Variants in PLEKHA5 observed in about 807,000 individuals in gnomAD.
PLEKHA5 encodes pleckstrin homology domain-containing family A member 5.
A neutral mutation model predicts 181.9 loss-of-function variants in PLEKHA5; 55 were observed. The observed-to-expected ratio is 0.30, with a 90% CI of 0.24 to 0.38. PLEKHA5 has a LOEUF of 0.38. PLEKHA5 is among the 10% of genes least tolerant of loss of function. The probability of loss-of-function intolerance (pLI) is 1.00; values close to 1 mark genes in which losing one functional copy is unlikely to be tolerated. For synonymous variants in PLEKHA5, 535 were observed against 529.4 expected (o/e 1.01, Z -0.15); for missense variants, 1,432 against 1,549.5 (o/e 0.92, Z 1.27).
chr12:19,269,947 G>A, intron 9 of PLEKHA5, 62 bp downstream of exon 9: 1 of 871,848 alleles, frequency 1.1e-6, no homozygotes, highest in South Asian at 1.4e-5. Flanking sequence ...TGCCTTGCAA[G>A]TATTTCACTG....
chr12:19,131,331 A>G (rs1438085177), intron 2 of PLEKHA5, among the ~76,000 whole-genome samples: 1 of 152,194 alleles, frequency 6.6e-6, no homozygotes, highest in Admixed American at 6.5e-5. Context: ...CCAAATTTGC[A>G]AAAAGGTGGA....
chr12:19,309,040 C>T (rs1018362467), intron 15 of PLEKHA5, among the ~76,000 whole-genome samples: 4 of 150,998 alleles, frequency 2.6e-5, no homozygotes, highest in African/African-American at 7.3e-5. Context: ...CTAGCCTAGG[C>T]GACAGAGCAA....
chr12:19,341,659 T>A (rs1038975788), intron 21 of PLEKHA5, among the ~76,000 whole-genome samples: 1 of 152,148 alleles, frequency 6.6e-6, no homozygotes, highest in East Asian at 1.9e-4. Flanking sequence ...TATAGACTTT[T>A]CTTGAGTTTT....
chr12:19,132,915 G>A (rs1193087273), intron 3 of PLEKHA5, among the ~76,000 whole-genome samples: 41 of 111,238 alleles, frequency 3.7e-4, no homozygotes, highest in Non-Finnish European at 6.7e-4. Flanking sequence ...TCTGAGTTAC[G>A]TGAACATCTT....
chr12:19,167,003 C>G (rs541826453), intron 3 of PLEKHA5, among the ~76,000 whole-genome samples: 2 of 152,300 alleles, frequency 1.3e-5, no homozygotes, highest in South Asian at 4.1e-4. Flanking sequence ...CAGATGATAA[C>G]TACTCCCTGT....
chr12:19,310,208 T>C (rs932016864), intron 15 of PLEKHA5, among the ~76,000 whole-genome samples: 1 of 152,238 alleles, frequency 6.6e-6, no homozygotes, highest in African/African-American at 2.4e-5. Context: ...GTCTTTCCTC[T>C]GATTCCTTAC....
chr12:19,304,179 T>C (rs1389256358), intron 15 of PLEKHA5, among the ~76,000 whole-genome samples: 1 of 152,054 alleles, frequency 6.6e-6, no homozygotes, highest in African/African-American at 2.4e-5. Flanking sequence ...CCCAACACTT[T>C]GGGAATCCTG....
chr12:19,358,060 C>T (rs2095047328), intron 26 of PLEKHA5, among the ~76,000 whole-genome samples, 168 bp from the exon 27 acceptor site: 1 of 152,120 alleles, frequency 6.6e-6, no homozygotes, highest in Admixed American at 6.6e-5. Flanking sequence ...AGTTAAGGAT[C>T]AAATAGCAAT....
At chr12:19,312,608 A>G (rs1479369923) in intron 15 of PLEKHA5, among the ~76,000 whole-genome samples, 2 of 152,040 alleles carry the variant, frequency 1.3e-5, no homozygotes, top group Admixed American at 1.3e-4. Flanking sequence ...ATCTCTCTCA[A>G]CCTTCATAGG....
chr12:19,193,761 G>T (rs1356665249), intron 3 of PLEKHA5, among the ~76,000 whole-genome samples: 3 of 152,132 alleles, frequency 2.0e-5, no homozygotes, highest in Admixed American at 1.3e-4. Context: ...AATTTATAAA[G>T]AAAAGAAATT....
intron 14 of PLEKHA5, 87 bp downstream of exon 14, chr12:19,290,883 T>C: frequency 8.2e-7 from 1 of 1,217,930 alleles, no homozygotes; most frequent in South Asian, 1.6e-5. Flanking sequence ...GCATCATTAG[T>C]GTTGAGCATG....
rs1338241159 is a variant in PLEKHA5 at position 19,134,967 on chromosome 12, G to A, written c.227+2517G>A. On this transcript the variant is annotated intron_variant, in intron 3 of 31. Transcript: ENST00000429027. ...AAGAAAGGTGGTTATTGATCAAATTGTATGTAAAGGAGGTTACAGGGTTAT... is the reference window on the plus strand; with the variant it reads ...AAGAAAGGTGGTTATTGATCAAATTATATGTAAAGGAGGTTACAGGGTTAT... 3.9e-5 allele frequency among the ~76,000 whole-genome samples: 6 copies of A among 152,094 alleles called. No individual in the cohort carries two copies. In the East Asian group the frequency reaches 9.6e-4, roughly 24 times the overall value.
chr12:19,273,448 T>G (rs989447094), intron 10 of PLEKHA5, among the ~76,000 whole-genome samples: 13 of 152,090 alleles, frequency 8.5e-5, no homozygotes. Context: ...TGTATATAGA[T>G]CTACATCCTT....
intron 3 of PLEKHA5, among the ~76,000 whole-genome samples, chr12:19,175,195 G>A (rs115046618): frequency 8.2e-4 from 125 of 152,264 alleles, no homozygotes; most frequent in African/African-American, 2.9e-3. Flanking sequence ...ACTACTGATC[G>A]AGTGTAAACT....
chr12:19,320,935 G>A (rs2090505378), intron 18 of PLEKHA5: 1 of 167,838 alleles, frequency 6.0e-6, no homozygotes, highest in African/African-American at 2.4e-5. Flanking sequence ...GGGAAGCCGA[G>A]GCGGGCGGAT....
At chr12:19,247,713 C>A (rs1467139825) in intron 3 of PLEKHA5, among the ~76,000 whole-genome samples, 2 of 150,818 alleles carry the variant, frequency 1.3e-5, no homozygotes, top group Admixed American at 6.6e-5. Flanking sequence ...CCCAAGCAAT[C>A]TGTGTTGCTA....
intron 3 of PLEKHA5, among the ~76,000 whole-genome samples, chr12:19,225,145 C>T (rs2059516410): frequency 6.6e-6 from 1 of 152,158 alleles, no homozygotes; most frequent in Non-Finnish European, 1.5e-5. Context: ...AAGTGCCCAT[C>T]AGTACTTGTC....
intron 3 of PLEKHA5, among the ~76,000 whole-genome samples, chr12:19,237,338 T>C (rs1385920310): frequency 6.6e-6 from 1 of 152,174 alleles, no homozygotes; most frequent in Non-Finnish European, 1.5e-5. Context: ...TACATAGTAG[T>C]CACAAATTGC....
In PLEKHA5 at chr12:19,254,019, G is replaced by T; in HGVS notation, c.307G>T (p.Glu103Ter). ...SQDNCIFVVN[E>*]QTVATMTSEE... is the part of the protein sequence containing the mutation. ...GGACAATTGTATTTTTGTAGTGAAT[G>T]AACAGTAAGTAAAGAGTTTCATGGA... Residue 103 changes from glutamate (E) to a stop codon, truncating the protein, a stop_gained, in exon 4 of 32, where the codon GAA (glutamate) becomes TAA (stop). Coordinates refer to ENST00000429027, the MANE Select transcript of PLEKHA5 (RefSeq NM_001256470.2). LOFTEE classifies it high-confidence loss of function. The T allele has an allele frequency of 6.3e-7, 1 of 1,576,570 alleles. No homozygotes were observed. The highest frequency in any genetic ancestry group is 1.1e-5 in the South Asian group (1 of 88,128).
Sources: gnomAD v4.1 joint callset for allele counts (sites outside exome capture counted in the v4.1 genomes callset) on GRCh38, gnomAD v4.1.1 for gene constraint, MANE v1.5 for transcripts, NCBI Gene and HGNC (gene_info 2026-07-23, HGNC 2026-07-21) for gene names.